The following KCNAB2 variants were observed in gnomAD, a reference collection of about 807,000 sequenced individuals.
KCNAB2 encodes voltage-gated potassium channel subunit beta-2.
KCNAB2 carries 29 observed loss-of-function variants against 63.6 expected under a neutral mutation model. The observed-to-expected ratio is 0.46, with a 90% CI of 0.34 to 0.62. The LOEUF (loss-of-function observed/expected upper bound fraction) is 0.62. KCNAB2 is among the 20% of genes least tolerant of loss of function. KCNAB2 has a pLI of 0.01. For synonymous variants in KCNAB2, 222 were observed against 224.2 expected, an observed-to-expected ratio of 0.99 and a Z score of 0.09; for missense variants, 359 against 563.9, an observed-to-expected ratio of 0.64 and a Z score of 3.68.
chr1:6,080,555 G>A (rs903252991), intron 4 of KCNAB2, among the ~76,000 whole-genome samples: 21 of 152,182 alleles, frequency 1.4e-4, no homozygotes, highest in African/African-American at 4.6e-4. Context: ...AATCACAGCC[G>A]CTCACTAACC....
chr1:6,025,780 C>T (rs1040354629), intron 1 of KCNAB2, among the ~76,000 whole-genome samples: 9 of 152,180 alleles, frequency 5.9e-5, no homozygotes, highest in African/African-American at 1.9e-4. Flanking sequence ...AGTACCCCTT[C>T]CCAGGGCAGC....
At chr1:5,998,026 G>A (rs1657033342) in intron 1 of KCNAB2, among the ~76,000 whole-genome samples, 2 of 152,200 alleles carry the variant, frequency 1.3e-5, no homozygotes, top group Admixed American at 1.3e-4. Flanking sequence ...AAGGAGAGAC[G>A]GGGGCAGTGG....
At position 6,053,701 on chromosome 1, in the gene KCNAB2, C is replaced by A. The variant is rs1354388568; in HGVS notation, c.218+1947C>A. ...CCAAACTCAGGGAAACCTCAGCTCTCTCCTATGTGGACAGGATTTGTGATG... is the reference window on the plus strand; with the variant it reads ...CCAAACTCAGGGAAACCTCAGCTCTATCCTATGTGGACAGGATTTGTGATG... On this transcript the variant is annotated intron_variant, in intron 2 of 15. Coordinates refer to ENST00000378083, the MANE Select transcript of KCNAB2 (RefSeq NM_001199862.2). 2.6e-5 allele frequency among the ~76,000 whole-genome samples: 4 copies of A among 152,234 alleles called. No homozygotes were observed. The East Asian group carries it at 7.7e-4, about 29-fold the overall frequency.
At position 6,087,444 on chromosome 1, in the gene KCNAB2, CTTCT is replaced by C; in HGVS notation, c.426-18_426-15del. On this transcript the variant is annotated intron_variant, in intron 6 of 15. Coordinates refer to ENST00000378083, the MANE Select transcript of KCNAB2 (RefSeq NM_001199862.2). The surrounding 1 kb of genome is among the most constrained non-coding windows in gnomAD (Gnocchi z 6.4). ...CCCAGGGGCCGGGCTTATCACACCC[CTTCT>C]TTCTCTTCTGTTCCACAGGCGGTCC... 1 of 1,613,978 alleles carries C rather than the reference CTTCT, an allele frequency of 6.2e-7. No individual in the cohort carries two copies. The highest frequency in any genetic ancestry group is 1.1e-5 in the South Asian group (1 of 91,064).
At chr1:6,093,465 G>A (rs3789529) in intron 10 of KCNAB2, among the ~76,000 whole-genome samples, 88,725 of 152,162 alleles carry the variant, frequency 0.58, 26,269 homozygotes, top group Non-Finnish European at 0.62. Context: ...GTGTCTCAAA[G>A]CCATGTTTGA....
At chr1:5,998,095 G>C (rs1335737906) in intron 1 of KCNAB2, among the ~76,000 whole-genome samples, 1 of 152,230 alleles carries the variant, frequency 6.6e-6, no homozygotes, top group Admixed American at 6.5e-5. Flanking sequence ...GCTAGGAAAG[G>C]ATGGTCTGGA....
intron 2 of KCNAB2, among the ~76,000 whole-genome samples, chr1:6,062,100 G>GT (rs1662365759): frequency 6.6e-6 from 1 of 152,062 alleles, no homozygotes; most frequent in Admixed American, 6.5e-5. Flanking sequence ...ATCGCCTGAG[G>GT]TCGGGAGTTC....
chr1:6,039,197 GCATCCGCAGA>G (rs1660297260), intron 1 of KCNAB2, among the ~76,000 whole-genome samples: 1 of 152,198 alleles, frequency 6.6e-6, no homozygotes. Context: ...GCAAGCGCAA[GCATCCGCAGA>G]CAGTGTGAGC....
In KCNAB2 at chr1:6,014,814, A is replaced by G. The variant is rs532839228; in HGVS notation, c.-53+22026A>G. Among the ~76,000 whole-genome samples, 4 of 152,262 alleles carry G rather than the reference A, an allele frequency of 2.6e-5. No homozygotes were observed. The East Asian group carries it at 5.8e-4, about 22-fold the overall frequency. On this transcript the variant is annotated intron_variant, in intron 1 of 16. Transcript: ENST00000341524. Reference sequence around the variant, plus strand: ...GTCAGAGGCTAGGCTCGCAGGCAGCATGGGAACCACTTGGCCAGAAGTTTC... The same window carrying G: ...GTCAGAGGCTAGGCTCGCAGGCAGCGTGGGAACCACTTGGCCAGAAGTTTC...
In KCNAB2 at chr1:6,026,861, C is replaced by T. The variant is rs74049355; in HGVS notation, c.-52-13656C>T. ...CTGGCAGCTCCTGGGGAGAGCCCTGCCCATCTTGTCTGCTGTCTCTCGGGA... is the reference window on the plus strand; with the variant it reads ...CTGGCAGCTCCTGGGGAGAGCCCTGTCCATCTTGTCTGCTGTCTCTCGGGA... On this transcript the variant is annotated intron_variant, in intron 1 of 16. Transcript: ENST00000341524. Among the ~76,000 whole-genome samples, 793 of 152,298 alleles carry T rather than the reference C, an allele frequency of 5.2e-3. 6 individuals are homozygous for T. The highest frequency in any genetic ancestry group is 0.017 in the African/African-American group (686 of 41,572).
At chr1:6,013,097 G>A (rs1452898139) in intron 1 of KCNAB2, among the ~76,000 whole-genome samples, 1 of 152,144 alleles carries the variant, frequency 6.6e-6, no homozygotes, top group Non-Finnish European at 1.5e-5. Flanking sequence ...TCAGCCTCAT[G>A]CTGGCATCTG....
rs889598446 is a variant in KCNAB2, at chr1:6,003,576, G to A, written c.-53+10788G>A. 2.6e-5 allele frequency among the ~76,000 whole-genome samples: 4 copies of A among 152,108 alleles called. No individual in the cohort carries two copies. The highest frequency in any genetic ancestry group is 4.4e-5 in the Non-Finnish European group (3 of 68,028). ...AGATCCGGCAGCTCTTCACTCTTCC[G>A]AATCAGGCTGTGGGAAACGTTTGTG... On this transcript the variant is annotated intron_variant, in intron 1 of 16. Coordinates refer to the KCNAB2 transcript ENST00000341524. This position sits in a 1 kb window ranked among gnomAD's most constrained non-coding sequence, Gnocchi z 4.1.
At position 6,097,252 on chromosome 1, in the gene KCNAB2, G is replaced by C. The variant is rs753077059; in HGVS notation, c.1070-17G>C. On this transcript the variant is annotated splice_polypyrimidine_tract_variant and intron_variant, in intron 14 of 15. Coordinates refer to ENST00000378083, the MANE Select transcript of KCNAB2 (RefSeq NM_001199862.2). The stretch of plus-strand genomic sequence containing the variant: ...GTGGTGGGTGTTTCTCCCTCACCTT[G>C]GGTCTCGCCGCCACAGCCTGGTGCC... 11 of 1,531,236 alleles carry C rather than the reference G, an allele frequency of 7.2e-6. No homozygotes were observed. Among genetic ancestry groups the C allele is most frequent in the East Asian group, 2.5e-5 (1 of 40,680 alleles). 94.9% of individuals were successfully genotyped at this position (1,531,236 alleles called of 1,614,324 possible). A position where few individuals can be genotyped will look rare whatever the true frequency, so the allele number is the denominator to read the frequency against.
At chr1:6,065,635 G>A (rs752396266) in intron 2 of KCNAB2, among the ~76,000 whole-genome samples, 10 of 152,252 alleles carry the variant, frequency 6.6e-5, no homozygotes, top group South Asian at 2.1e-4. Flanking sequence ...CAAGGAAGGC[G>A]GGTGTGCTCA....
intron 2 of KCNAB2, among the ~76,000 whole-genome samples, chr1:6,058,733 A>C (rs906009610): frequency 2.0e-5 from 3 of 152,254 alleles, no homozygotes; most frequent in African/African-American, 4.8e-5. Context: ...CGGAGGCATC[A>C]GGAAGGAACA....
At position 6,087,441 on chromosome 1, in the gene KCNAB2, C is replaced by G; in HGVS notation, c.426-26C>G. 1 of 1,613,752 alleles carries G rather than the reference C, an allele frequency of 6.2e-7. No homozygotes were observed. Among genetic ancestry groups the G allele is most frequent in the Non-Finnish European group, 8.5e-7 (1 of 1,179,640 alleles). ...CCCCCCAGGGGCCGGGCTTATCACA[C>G]CCCTTCTTTCTCTTCTGTTCCACAG... On this transcript the variant is annotated intron_variant, in intron 6 of 15. Transcript: ENST00000378083. The surrounding 1 kb of genome is among the most constrained non-coding windows in gnomAD (Gnocchi z 6.4).
intron 1 of KCNAB2, among the ~76,000 whole-genome samples, chr1:6,017,788 C>CAA (rs768691235): frequency 2.0e-4 from 23 of 116,580 alleles, no homozygotes; most frequent in African/African-American, 2.2e-4. Flanking sequence ...AAGACTGTCT[C>CAA]AAAAAAAAAA....
At position 6,003,997 on chromosome 1, in the gene KCNAB2, T is replaced by C. The variant is rs974417282; in HGVS notation, c.-53+11209T>C. 2.6e-5 allele frequency among the ~76,000 whole-genome samples: 4 copies of C among 152,212 alleles called. No homozygotes were observed. Among genetic ancestry groups the C allele is most frequent in the Non-Finnish European group, 5.9e-5 (4 of 68,036 alleles). ...TCACGTGGTCATGGGACGGTAATCC[T>C]CTTTGAAGCCATTTGTTATTTATTC... is the stretch of plus-strand genomic sequence containing the variant. On this transcript the variant is annotated intron_variant, in intron 1 of 16. Coordinates refer to the KCNAB2 transcript ENST00000341524. This position sits in a 1 kb window ranked among gnomAD's most constrained non-coding sequence, Gnocchi z 4.1.
chr1:6,083,725 G>A (rs1664413355), intron 5 of KCNAB2, among the ~76,000 whole-genome samples: 1 of 152,234 alleles, frequency 6.6e-6, no homozygotes, highest in South Asian at 2.1e-4. Flanking sequence ...ACTGCTTTGG[G>A]GAGTTTGGGG....
Sources: gnomAD v4.1 joint callset for allele counts (sites outside exome capture counted in the v4.1 genomes callset) on GRCh38, gnomAD v4.1.1 for gene constraint, Gnocchi (gnomAD v3.1) non-coding constraint, MANE v1.5 for transcripts, NCBI Gene and HGNC (gene_info 2026-07-23, HGNC 2026-07-21) for gene names.